Variants in SUN2 observed in about 807,000 individuals in gnomAD.
The protein encoded by SUN2 is Sad1 and UNC84 domain containing 2, also known as SUN domain-containing protein 2.
Under a neutral mutation model 100.0 loss-of-function variants are expected in SUN2, and 60 were observed. The observed-to-expected ratio is 0.60, with a 90% CI of 0.49 to 0.74. The LOEUF is 0.74. Among genes scored for constraint, SUN2 ranks in the 30% least tolerant of loss-of-function variants. SUN2 has a pLI of 0.00. For missense variants in SUN2, 834 were observed against 954.6 expected (o/e 0.87, Z 1.66); for synonymous variants, 367 against 403.3 (o/e 0.91, Z 1.08).
chr22:38,746,934 T>C (rs1380967650), intron 7 of SUN2, among the ~76,000 whole-genome samples: 6 of 151,958 alleles, frequency 3.9e-5, no homozygotes, highest in African/African-American at 1.5e-4. Context: ...CTCGGGAGGC[T>C]GAGGCAGGAG....
intron 7 of SUN2, among the ~76,000 whole-genome samples, chr22:38,746,646 A>G (rs575884312): frequency 6.6e-6 from 1 of 152,330 alleles, no homozygotes; most frequent in East Asian, 1.9e-4. Flanking sequence ...CACTGACTAC[A>G]GCAACCCCAC....
At position 38,745,844 on chromosome 22, in the gene SUN2, G is replaced by A. The variant is rs371715492; in HGVS notation, c.686-33C>T. On this transcript the variant is annotated intron_variant, in intron 7 of 17. Coordinates refer to ENST00000689035, the MANE Select transcript of SUN2 (RefSeq NM_015374.3). Reference sequence around the variant, plus strand: ...CAGGGGAGAGGGTGTTACCCCAGCTGGGCCTCCAGCAAGAGGCGCGCGCCA... The same window carrying A: ...CAGGGGAGAGGGTGTTACCCCAGCTAGGCCTCCAGCAAGAGGCGCGCGCCA... 103 of 1,608,264 alleles carry A rather than the reference G, an allele frequency of 6.4e-5. No homozygotes were observed. The East Asian group carries it at 2.2e-3, about 34-fold the overall frequency.
intron 6 of SUN2, 138 bp from the exon 7 acceptor site, chr22:38,748,921 C>T: frequency 2.3e-6 from 2 of 861,380 alleles, no homozygotes; most frequent in South Asian, 1.5e-5. Context: ...TTGAGCTTCT[C>T]ACTGTGCCAG....
At chr22:38,753,165 C>T (rs1009426704) in intron 1 of SUN2, among the ~76,000 whole-genome samples, 9 of 151,074 alleles carry the variant, frequency 6.0e-5, no homozygotes, top group South Asian at 4.2e-4. Flanking sequence ...AGGGCCCCAA[C>T]GAACCTTGAT....
rs2092981499 is a variant in SUN2, at chr22:38,755,851, C to T, written c.-126G>A. On this transcript the variant is annotated 5_prime_UTR_variant, in exon 1 of 18. Coordinates refer to ENST00000689035, the MANE Select transcript of SUN2 (RefSeq NM_015374.3). This position sits in a 1 kb window ranked among gnomAD's most constrained non-coding sequence, Gnocchi z 5.7. The stretch of plus-strand genomic sequence containing the variant: ...GCCCCCTTTCCGCGTGGGGATCCCG[C>T]GGGCGGCGCTCCGCTCAGGGCGACA... 1 of 982,506 alleles carries T rather than the reference C, an allele frequency of 1.0e-6. No homozygotes were observed. Among genetic ancestry groups the T allele is most frequent in the African/African-American group, 1.8e-5 (1 of 56,890 alleles). The allele number at this position is 982,506 out of a possible 1,614,324, so 60.9% of individuals were successfully genotyped here. A position where few individuals can be genotyped will look rare whatever the true frequency, so the allele number is the denominator to read the frequency against.
At chr22:38,754,926 A>G (rs1273856912) in intron 1 of SUN2, 10 of 1,289,186 alleles carry the variant, frequency 7.8e-6, no homozygotes, top group Non-Finnish European at 9.1e-6. Flanking sequence ...CAAGATGAAA[A>G]AGGTCGAGGC....
chr22:38,754,188 C>T (rs972650899), intron 1 of SUN2, among the ~76,000 whole-genome samples: 6 of 152,176 alleles, frequency 3.9e-5, no homozygotes, highest in African/African-American at 1.4e-4. Context: ...GGTCTAGACA[C>T]CCGAATTCAA....
intron 1 of SUN2, chr22:38,754,502 C>T (rs2092970516): frequency 1.5e-6 from 1 of 658,008 alleles, no homozygotes; most frequent in African/African-American, 1.9e-5. Context: ...CTGGCATCCC[C>T]TCTACTTTTA....
chr22:38,752,700 C>A, intron 1 of SUN2, 35 bp from the exon 2 acceptor site: 1 of 1,574,116 alleles, frequency 6.4e-7, no homozygotes, highest in Non-Finnish European at 8.6e-7. Context: ...GGATGTGAGG[C>A]CTGGGGCTGT....
rs2092976190 is a variant in SUN2 at position 38,755,153 on chromosome 22, T to G, written c.-38+610A>C. ...CATCCATCTTCAGACTTAAACCAGA[T>G]CTGGGGCATCTTCCTCGTGACATTT... On this transcript the variant is annotated intron_variant, in intron 1 of 17. Transcript: ENST00000689035. This position sits in a 1 kb window ranked among gnomAD's most constrained non-coding sequence, Gnocchi z 5.7. 2 of 1,058,200 alleles carry G rather than the reference T, an allele frequency of 1.9e-6. No individual in the cohort carries two copies. Among genetic ancestry groups the G allele is most frequent in the African/African-American group, 3.4e-5 (2 of 59,670 alleles). 65.6% of individuals were successfully genotyped at this position (1,058,200 alleles called of 1,614,324 possible). A position where few individuals can be genotyped will look rare whatever the true frequency, so the allele number is the denominator to read the frequency against.
Position 38,734,838 on chromosome 22 carries a change from C to G in SUN2, c.*1429G>C, listed in dbSNP as rs17032. ...TTGTGACAGGAGAGCGCAAAACAAACCCTGGCTGCCTCGGGATGGAGCGGG... is the reference window on the plus strand; with the variant it reads ...TTGTGACAGGAGAGCGCAAAACAAAGCCTGGCTGCCTCGGGATGGAGCGGG... On this transcript the variant is annotated 3_prime_UTR_variant, in exon 18 of 18. Transcript: ENST00000689035. 68,767 of 180,116 alleles carry G rather than the reference C, an allele frequency of 0.38. 14,081 individuals are homozygous for G. The highest frequency in any genetic ancestry group is 0.54 in the African/African-American group (22,574 of 41,766). 11.2% of individuals were successfully genotyped at this position (180,116 alleles called of 1,614,324 possible). A position where few individuals can be genotyped will look rare whatever the true frequency, so the allele number is the denominator to read the frequency against.
chr22:38,741,888 C>T (rs189825787), intron 9 of SUN2, among the ~76,000 whole-genome samples: 169 of 152,292 alleles, frequency 1.1e-3, no homozygotes, highest in Non-Finnish European at 1.9e-3. Context: ...CGCCTGTAAT[C>T]CCAGGACTTT....
At chr22:38,744,531 T>C (rs1237755482) in intron 8 of SUN2, among the ~76,000 whole-genome samples, 1 of 152,206 alleles carries the variant, frequency 6.6e-6, no homozygotes, top group Non-Finnish European at 1.5e-5. Flanking sequence ...CAATGAGTTA[T>C]GATTATACTA....
At position 38,740,321 on chromosome 22, in the gene SUN2, C is replaced by T. The variant is rs141051927; in HGVS notation, c.1302G>A (p.Ser434=). 2.0e-3 allele frequency: 3,246 copies of T among 1,602,598 alleles called. 12 individuals are homozygous for T. The highest frequency in any genetic ancestry group is 2.0e-3 in the Non-Finnish European group (2,370 of 1,175,598). Residue 434 remains serine, a synonymous_variant, in exon 12 of 18, where the codon TCG becomes TCA. Transcript: ENST00000689035. This position sits in a 1 kb window ranked among gnomAD's most constrained non-coding sequence, Gnocchi z 4.8. The part of the protein sequence containing the change: ...ELAALALKQS[S]VAEEVGLLPQ... ...GCAGCAGGCCCACTTCTTCCGCCAC[C>T]GAGCTCTGCTTCAGTGCCAGAGCCG...
intron 1 of SUN2, among the ~76,000 whole-genome samples, chr22:38,753,307 C>T (rs528592175): frequency 4.0e-5 from 6 of 150,838 alleles, no homozygotes; most frequent in African/African-American, 1.5e-4. Flanking sequence ...CCTCTACCTC[C>T]CAGGTTCATG....
chr22:38,746,811 C>T (rs1287574655), intron 7 of SUN2, among the ~76,000 whole-genome samples: 1 of 152,058 alleles, frequency 6.6e-6, no homozygotes, highest in Non-Finnish European at 1.5e-5. Flanking sequence ...GCGGGTGGAT[C>T]ACGAGGTCAG....
At position 38,742,545 on chromosome 22, in the gene SUN2, C is replaced by CGCT; in HGVS notation, c.821_823dup (p.Gln274dup). 1 of 1,611,004 alleles carries CGCT rather than the reference C, an allele frequency of 6.2e-7. No homozygotes were observed. The highest frequency in any genetic ancestry group is 1.7e-4 in the Middle Eastern group (1 of 6,058). ...CAGAGAGTGTACCCGGGACATAACA[C>CGCT]GCTGCTCAGCCTGGAAGGGCAGAGA... On this transcript the variant is annotated inframe_insertion, in exon 9 of 18. Coordinates refer to ENST00000689035, the MANE Select transcript of SUN2 (RefSeq NM_015374.3).
At position 38,749,817 on chromosome 22, in the gene SUN2, C is replaced by A; in HGVS notation, c.563G>T (p.Trp188Leu). 1 of 1,614,048 alleles carries A rather than the reference C, an allele frequency of 6.2e-7. No individual in the cohort carries two copies. The highest frequency in any genetic ancestry group is 8.5e-7 in the Non-Finnish European group (1 of 1,179,992). ...GGAGGCAGCTGTGGTCAGGCGGTAC[C>A]AGGTGGTGCCAGCCCACCAGTAGAG... ...RLLYWWAGTTWYRLTTAASLL... is the reference protein window; with the variant it reads ...RLLYWWAGTTLYRLTTAASLL... The change falls in exon 6 of 18, where the codon TGG becomes TTG. Residue 188 changes from tryptophan to leucine, a missense_variant. Around this residue, in one of 3 missense-constraint regions of SUN2, gnomAD observed 559 missense variants for 597.7 expected, o/e 0.94. Coordinates refer to ENST00000689035, the MANE Select transcript of SUN2 (RefSeq NM_015374.3).
At position 38,740,951 on chromosome 22, in the gene SUN2, G is replaced by A. The variant is rs980560086; in HGVS notation, c.1190+56C>T. 2.6e-6 allele frequency: 4 copies of A among 1,532,326 alleles called. No individual in the cohort carries two copies. The highest frequency in any genetic ancestry group is 2.7e-5 in the African/African-American group (2 of 72,882). The allele number at this position is 1,532,326 out of a possible 1,614,324, so 94.9% of individuals were successfully genotyped here. On this transcript the variant is annotated intron_variant, in intron 11 of 17. Transcript: ENST00000689035. This position sits in a 1 kb window ranked among gnomAD's most constrained non-coding sequence, Gnocchi z 4.8. ...CGGCTCTGCTCCCCAGTCCTGCCTGGAGAGTGGGTGGGGCTGGGGAGGAGC... is the reference window on the plus strand; with the variant it reads ...CGGCTCTGCTCCCCAGTCCTGCCTGAAGAGTGGGTGGGGCTGGGGAGGAGC...
Sources: gnomAD v4.1 joint callset for allele counts (sites outside exome capture counted in the v4.1 genomes callset) on GRCh38, gnomAD v4.1.1 for gene constraint, gnomAD v4.1.1 regional missense constraint, Gnocchi (gnomAD v3.1) non-coding constraint, MANE v1.5 for transcripts, NCBI Gene and HGNC (gene_info 2026-07-23, HGNC 2026-07-21) for gene names.